The following IFT74 variants were observed in gnomAD, a reference collection of about 807,000 sequenced individuals.
IFT74 encodes the protein intraflagellar transport protein 74 homolog.
In IFT74, 92 loss-of-function variants were observed where a neutral mutation model predicts 96.7. That is an observed-to-expected ratio of 0.95 (90% CI 0.80 to 1.13). The LOEUF (loss-of-function observed/expected upper bound fraction) is 1.13, where lower values mean the gene tolerates loss of function less well. Among genes scored for constraint, IFT74 ranks in the 50% most tolerant of loss-of-function variants. The pLI, the probability that IFT74 is intolerant of heterozygous loss-of-function variation, is 0.00. For synonymous variants in IFT74, 223 were observed against 213.2 expected (o/e 1.05, Z -0.40); for missense variants, 811 against 698.2 (o/e 1.16, Z -1.82).
chr9:27,050,885 A>C (rs1272010537), intron 16 of IFT74, among the ~76,000 whole-genome samples: 1 of 151,590 alleles, frequency 6.6e-6, no homozygotes, highest in East Asian at 1.9e-4. Context: ...AAAGTATAAT[A>C]ATATATATAT....
chr9:26,967,529 C>A (rs1430818102), intron 2 of IFT74, among the ~76,000 whole-genome samples: 1 of 152,082 alleles, frequency 6.6e-6, no homozygotes, highest in Non-Finnish European at 1.5e-5. Context: ...AAGATCATAT[C>A]ATCTGCAAAC....
chr9:26,970,262 A>G (rs1371832218), intron 2 of IFT74, among the ~76,000 whole-genome samples: 1 of 152,188 alleles, frequency 6.6e-6, no homozygotes, highest in African/African-American at 2.4e-5. Flanking sequence ...TAAAACATAC[A>G]AACAATGGAG....
rs73436090 is a variant in IFT74, at chr9:27,029,107, A to G, written c.1054+3A>G. Reference sequence around the variant, plus strand: ...CATGGATTTAGAGGAACACCAAGGTATGCTTCTGGTATTTTTATAATGTAG... The same window carrying G: ...CATGGATTTAGAGGAACACCAAGGTGTGCTTCTGGTATTTTTATAATGTAG... On this transcript the variant is annotated splice_donor_region_variant and intron_variant, in intron 13 of 19. Coordinates refer to ENST00000380062, the MANE Select transcript of IFT74 (RefSeq NM_025103.4). 2.5e-6 allele frequency: 4 copies of G among 1,590,760 alleles called. No individual in the cohort carries two copies. The highest frequency in any genetic ancestry group is 3.4e-6 in the Non-Finnish European group (4 of 1,167,046).
intron 14 of IFT74, among the ~76,000 whole-genome samples, chr9:27,045,266 A>G (rs1365170292): frequency 6.6e-6 from 1 of 152,138 alleles, no homozygotes; most frequent in Non-Finnish European, 1.5e-5. Flanking sequence ...CTAACCCCTG[A>G]TGATCTCAGG....
chr9:26,968,393 C>G lies in IFT74; in HGVS notation c.120+6306C>G, dbSNP rs949478675. ...TCTCCTTTCTCAGCCTCCCAAGTAG[C>G]TGGGATTATAGGCATGTGCTACCAC... On this transcript the variant is annotated intron_variant, in intron 2 of 19. Transcript: ENST00000380062. 2.6e-5 allele frequency among the ~76,000 whole-genome samples: 4 copies of G among 151,918 alleles called. No individual in the cohort carries two copies. In the South Asian group the frequency reaches 6.2e-4, roughly 24 times the overall value.
At chr9:27,057,873 C>T (rs1564008919) in intron 18 of IFT74, among the ~76,000 whole-genome samples, 2 of 151,594 alleles carry the variant, frequency 1.3e-5, no homozygotes, top group Non-Finnish European at 2.9e-5. Context: ...AAAAACAAAA[C>T]TCTCTTTTTC....
rs1338826869 is a variant in IFT74 at position 27,048,271 on chromosome 9, T to A, written c.1330T>A (p.Ser444Thr). ...KSQSTAQNLT[S>T]DIQRLQLDLQ... ...ACAAAGTACAGCTCAGAATTTGACT[T>A]CAGGTGAGAAAACAACCTAGATTTT... The change falls in exon 16 of 20, where the codon TCA (serine) becomes ACA (threonine). Residue 444 changes from serine to threonine, a missense_variant. By Grantham distance (58) the Ser-to-Thr change is moderately conservative. Transcript: ENST00000380062. 2 of 1,578,222 alleles carry A rather than the reference T, an allele frequency of 1.3e-6. No homozygotes were observed. Among genetic ancestry groups the A allele is most frequent in the Non-Finnish European group, 1.7e-6 (2 of 1,165,886 alleles).
At chr9:26,990,300 T>C (rs982145117) in intron 8 of IFT74, 105 bp downstream of exon 8, 4 of 526,856 alleles carry the variant, frequency 7.6e-6, no homozygotes, top group African/African-American at 3.9e-5. Flanking sequence ...AATTTCCCCA[T>C]TGCCTTTTTC....
intron 2 of IFT74, among the ~76,000 whole-genome samples, chr9:26,970,681 G>A (rs762679431): frequency 2.0e-5 from 3 of 152,158 alleles, no homozygotes; most frequent in Admixed American, 2.0e-4. Context: ...AAGATCACTC[G>A]GGTTAACCCT....
At chr9:27,057,980 T>C (rs1054785514) in intron 18 of IFT74, among the ~76,000 whole-genome samples, 1 of 152,234 alleles carries the variant, frequency 6.6e-6, no homozygotes, top group African/African-American at 2.4e-5. Context: ...TTTGGTGCCA[T>C]ATCCTTGTAG....
intron 2 of IFT74, among the ~76,000 whole-genome samples, chr9:26,967,457 G>A (rs1170856678): frequency 6.6e-6 from 1 of 152,034 alleles, no homozygotes; most frequent in Non-Finnish European, 1.5e-5. Context: ...GAGTTTTACT[G>A]AATTTACTAT....
At chr9:26,996,337 G>T in intron 8 of IFT74, 1 of 1,599,458 alleles carries the variant, frequency 6.3e-7, no homozygotes, top group Non-Finnish European at 8.5e-7. Flanking sequence ...GTTGTTCGAA[G>T]AGCTATTAAA....
upstream of IFT74, among the ~76,000 whole-genome samples, chr9:26,951,847 G>C (rs143301051): frequency 1.3e-5 from 2 of 152,104 alleles, no homozygotes; most frequent in East Asian, 3.9e-4. Flanking sequence ...GCAGTGAGCC[G>C]AGATAGCTCC....
At chr9:26,980,671 C>T (rs1563947634) in intron 4 of IFT74, 52 bp downstream of exon 4, 1 of 1,177,112 alleles carries the variant, frequency 8.5e-7, no homozygotes, top group Non-Finnish European at 1.2e-6. Context: ...ATATTGTGTA[C>T]CTTCTGTCAA....
intron 2 of IFT74, among the ~76,000 whole-genome samples, chr9:26,976,183 A>G (rs1418806095): frequency 1.3e-5 from 2 of 152,128 alleles, no homozygotes; most frequent in Admixed American, 1.3e-4. Flanking sequence ...GGCCACTGCA[A>G]TGCGACAGTG....
rs552585804 is a variant in IFT74, at chr9:26,956,919, G to A, written c.-20+403G>A. On this transcript the variant is annotated intron_variant, in intron 1 of 19. Transcript: ENST00000380062. The stretch of plus-strand genomic sequence containing the variant: ...GAATGGTTGGCTTAGGGAGGATAAC[G>A]ATAGTAATAATAATTAGAAGCAGAT... Among the ~76,000 whole-genome samples, 5 of 152,362 alleles carry A rather than the reference G, an allele frequency of 3.3e-5. No individual in the cohort carries two copies. The East Asian group carries it at 9.6e-4, about 29-fold the overall frequency.
At chr9:26,949,496 T>A (rs569481520) in intron 1 of IFT74, among the ~76,000 whole-genome samples, 1 of 152,258 alleles carries the variant, frequency 6.6e-6, no homozygotes, top group East Asian at 1.9e-4. Context: ...ACCAACCCCT[T>A]ATAAAAGTTT....
chr9:26,974,023 T>C (rs1826988573), intron 2 of IFT74, among the ~76,000 whole-genome samples: 1 of 152,166 alleles, frequency 6.6e-6, no homozygotes, highest in South Asian at 2.1e-4. Flanking sequence ...CCTTCCTCCC[T>C]TTCAATTCTG....
chr9:26,983,799 TCTGAGA>T (rs1827498082), intron 4 of IFT74: 1 of 148,458 alleles, frequency 6.7e-6, no homozygotes, highest in African/African-American at 2.5e-5. Context: ...TTTTTTTTTT[TCTGAGA>T]TGGTGTCTCC....
Sources: allele counts gnomAD v4.1 joint callset (sites outside exome capture counted in the v4.1 genomes callset), GRCh38; gene constraint gnomAD v4.1.1; transcripts MANE v1.5; gene names NCBI Gene and HGNC (gene_info 2026-07-23, HGNC 2026-07-21).